MYOF: variants seen among roughly 807,000 people sequenced by gnomAD.
MYOF encodes myoferlin.
A neutral mutation model predicts 284.2 loss-of-function variants in MYOF; 244 were observed. The observed-to-expected ratio is 0.86, with a 90% CI of 0.77 to 0.95. MYOF has a LOEUF of 0.95. MYOF is among the 40% of genes least tolerant of loss of function. MYOF has a pLI of 0.00. For missense variants in MYOF, 2,496 were observed against 2,560.6 expected, an observed-to-expected ratio of 0.97 and a Z score of 0.54; for synonymous variants, 904 against 919.7, an observed-to-expected ratio of 0.98 and a Z score of 0.31.
chr10:93,360,255 C>A (rs1845004718), intron 28 of MYOF, among the ~76,000 whole-genome samples: 1 of 152,174 alleles, frequency 6.6e-6, no homozygotes, highest in South Asian at 2.1e-4. Context: ...AGGAATAAAG[C>A]ACAGTTCAAG....
intron 5 of MYOF, among the ~76,000 whole-genome samples, chr10:93,421,854 GC>G (rs1281386023): frequency 2.6e-5 from 4 of 152,030 alleles, no homozygotes; most frequent in African/African-American, 7.2e-5. Flanking sequence ...TTATAGCAAT[GC>G]AAACAGACTA....
chr10:93,377,344 T>C lies in MYOF; in HGVS notation c.2087A>G (p.Asp696Gly), dbSNP rs1383154494. ...GTACCTCGTGTCTTCTATAACTTCA[T>C]CTATCAGCTTCAGCCACAATTCAGC... is the stretch of plus-strand genomic sequence containing the variant. ...QLAELWLKLI[D>G]EVIEDTRYTL... The change falls in exon 22 of 54, where the codon GAT becomes GGT. Residue 696 changes from aspartate (D) to glycine (G), a missense_variant. Asp to Gly is a moderately conservative substitution (Grantham distance 94). Coordinates refer to ENST00000359263, the MANE Select transcript of MYOF (RefSeq NM_013451.4). 1 of 1,613,876 alleles carries C rather than the reference T, an allele frequency of 6.2e-7. No homozygotes were observed. The highest frequency in any genetic ancestry group is 8.5e-7 in the Non-Finnish European group (1 of 1,179,878).
chr10:93,441,997 AACACACACACAC>A (rs34488205), intron 3 of MYOF, among the ~76,000 whole-genome samples: 36 of 133,056 alleles, frequency 2.7e-4, no homozygotes, highest in Middle Eastern at 3.8e-3. Context: ...CCTCAACCTG[AACACACACACAC>A]ACACACACAC....
chr10:93,406,563 T>TC (rs779669850), intron 7 of MYOF, among the ~76,000 whole-genome samples: 53,294 of 95,808 alleles, frequency 0.56, 10,780 homozygotes, highest in East Asian at 0.74. Context: ...TCTTGCCTCC[T>TC]CCCCACCCAT....
chr10:93,332,583 C>T (rs370793847), intron 43 of MYOF, among the ~76,000 whole-genome samples: 78 of 150,356 alleles, frequency 5.2e-4, no homozygotes, highest in African/African-American at 1.8e-3. Flanking sequence ...CGGTGGCTCA[C>T]GCCTGTAATC....
chr10:93,365,610 T>C (rs1374938415), intron 26 of MYOF, among the ~76,000 whole-genome samples: 2 of 152,194 alleles, frequency 1.3e-5, no homozygotes, highest in Non-Finnish European at 2.9e-5. Context: ...ACAAGTTATT[T>C]AATCTTTCTA....
chr10:93,465,768 G>A (rs1212659971), intron 1 of MYOF, among the ~76,000 whole-genome samples: 2 of 151,920 alleles, frequency 1.3e-5, no homozygotes, highest in East Asian at 1.9e-4. Flanking sequence ...GCCCACCTCC[G>A]CCTCCCAAAG....
intron 27 of MYOF, 101 bp downstream of exon 27, chr10:93,363,860 C>G (rs928817200): frequency 1.2e-5 from 10 of 862,932 alleles, no homozygotes; most frequent in African/African-American, 1.0e-4. Context: ...TAAGATGGAG[C>G]GGAGGAGAGG....
rs186315066 is a variant in MYOF at position 93,349,333 on chromosome 10, C to T, written c.4083+475G>A. 1.7e-3 allele frequency among the ~76,000 whole-genome samples: 252 copies of T among 152,280 alleles called. 2 individuals carry two copies. The highest frequency in any genetic ancestry group is 6.4e-3 in the Admixed American group (98 of 15,300). ...CAAAGAAGGTGCCATCCCAGGGGCA[C>T]CTGGAGGTGGGGCACAGTTATGGGC... On this transcript the variant is annotated intron_variant, in intron 36 of 53. Transcript: ENST00000359263.
intron 1 of MYOF, among the ~76,000 whole-genome samples, chr10:93,461,682 G>T (rs190553870): frequency 3.3e-5 from 5 of 152,296 alleles, no homozygotes; most frequent in Non-Finnish European, 7.3e-5. Flanking sequence ...GACCCAACCA[G>T]CTGGAACCAA....
rs1844032179 is a variant in MYOF, at chr10:93,343,565, G to T, written c.4326+291C>A. 3.9e-5 allele frequency among the ~76,000 whole-genome samples: 6 copies of T among 152,338 alleles called. No homozygotes were observed. The South Asian group carries it at 1.2e-3, about 32-fold the overall frequency. ...ATTTGAGGAGATTTAAAAACATACT[G>T]ATATCTAGGTCCCTCTCCCTCTTGG... On this transcript the variant is annotated intron_variant, in intron 38 of 53. Coordinates refer to ENST00000359263, the MANE Select transcript of MYOF (RefSeq NM_013451.4).
chr10:93,463,890 C>T (rs573533936), intron 1 of MYOF, among the ~76,000 whole-genome samples: 1 of 142,350 alleles, frequency 7.0e-6, no homozygotes, highest in African/African-American at 2.6e-5. Flanking sequence ...AAAAAAAGGC[C>T]TGAAAGACAT....
At chr10:93,312,542 T>A (rs1842434118) in intron 51 of MYOF, among the ~76,000 whole-genome samples, 1 of 152,086 alleles carries the variant, frequency 6.6e-6, no homozygotes, top group East Asian at 1.9e-4. Context: ...GTATTTTTAG[T>A]AGAGACGGTG....
At chr10:93,460,962 G>A (rs1465334598) in intron 1 of MYOF, among the ~76,000 whole-genome samples, 3 of 151,720 alleles carry the variant, frequency 2.0e-5, no homozygotes, top group Admixed American at 2.0e-4. Flanking sequence ...ATGCATGGTG[G>A]TGGGCACCTG....
At chr10:93,441,626 C>T (rs1026985766) in intron 3 of MYOF, among the ~76,000 whole-genome samples, 12 of 149,936 alleles carry the variant, frequency 8.0e-5, no homozygotes, top group Admixed American at 2.7e-4. Flanking sequence ...TGCAATGGCA[C>T]GGTCTCGGCT....
chr10:93,460,659 C>T (rs1389492888), intron 1 of MYOF, among the ~76,000 whole-genome samples: 2 of 150,324 alleles, frequency 1.3e-5, no homozygotes, highest in African/African-American at 2.5e-5. Context: ...CCCAGCCACT[C>T]GAGAGGCTGA....
chr10:93,468,438 T>C (rs913092612), intron 1 of MYOF, among the ~76,000 whole-genome samples: 2 of 152,240 alleles, frequency 1.3e-5, no homozygotes, highest in African/African-American at 4.8e-5. Flanking sequence ...GGTGTTGGAA[T>C]CAGAACTATC....
chr10:93,312,960 C>A (rs1842458034), intron 51 of MYOF, 60 bp downstream of exon 51: 2 of 1,513,416 alleles, frequency 1.3e-6, no homozygotes, highest in Non-Finnish European at 1.8e-6. Flanking sequence ...GGATAAAGGG[C>A]AAAACCTAAA....
chr10:93,431,029 T>C (rs375575433), intron 4 of MYOF, among the ~76,000 whole-genome samples: 38 of 148,384 alleles, frequency 2.6e-4, no homozygotes, highest in South Asian at 6.4e-4. Flanking sequence ...CTTTTCTTTT[T>C]TTTTTTTTTT....
Sources: allele counts gnomAD v4.1 joint callset (sites outside exome capture counted in the v4.1 genomes callset), GRCh38; gene constraint gnomAD v4.1.1; transcripts MANE v1.5; gene names NCBI Gene and HGNC (gene_info 2026-07-23, HGNC 2026-07-21).